The following C12orf42 variants were observed in gnomAD, a reference collection of about 807,000 sequenced individuals.
C12orf42 encodes the protein uncharacterized protein C12orf42.
In C12orf42, 25 loss-of-function variants were observed where a neutral mutation model predicts 21.6. The ratio of observed to expected loss-of-function variants is 1.16; its 90% CI spans 0.84 to 1.62. The LOEUF (loss-of-function observed/expected upper bound fraction) is 1.62. C12orf42 is among the 40% of genes most tolerant of loss of function. C12orf42 has a pLI of 0.00. For missense variants in C12orf42, 483 were observed against 459.3 expected (o/e 1.05, Z -0.47); for synonymous variants, 174 against 175.0 (o/e 0.99, Z 0.05).
At chr12:103,529,811 A>ATT in the C12orf42 span, among the ~76,000 whole-genome samples, 1 of 152,044 alleles carries the variant, frequency 6.6e-6, no homozygotes, top group Non-Finnish European at 1.5e-5. Flanking sequence ...TGGGCTTTGA[A>ATT]TTTTCATCAT....
chr12:103,462,402 C>T (rs148004416), intron 2 of C12orf42, among the ~76,000 whole-genome samples: 296 of 152,050 alleles, frequency 1.9e-3, no homozygotes, highest in African/African-American at 6.7e-3. Flanking sequence ...TGAGCCACTG[C>T]ACCCAGCCTA....
the C12orf42 span, among the ~76,000 whole-genome samples, chr12:103,052,570 A>G: frequency 6.6e-6 from 1 of 152,094 alleles, no homozygotes; most frequent in African/African-American, 2.4e-5. Context: ...TTCTGGATAT[A>G]AACATTTTAT....
intron 4 of C12orf42, among the ~76,000 whole-genome samples, chr12:103,327,375 G>T (rs2040812373): frequency 6.6e-6 from 1 of 152,070 alleles, no homozygotes; most frequent in Non-Finnish European, 1.5e-5. Context: ...TTTCAGAAAA[G>T]CCATGAATAT....
Position 103,294,632 on chromosome 12 carries a change from GAAA to G in C12orf42, n.338-17425_338-17423del, listed in dbSNP as rs1445389295. 1.8e-3 allele frequency among the ~76,000 whole-genome samples: 265 copies of G among 148,156 alleles called. 6 individuals are homozygous for G. The highest frequency in any genetic ancestry group is 0.018 in the Admixed American group (258 of 14,582). On this transcript the variant is annotated intron_variant and non_coding_transcript_variant, in intron 4 of 6. Transcript: ENST00000546526. ...AGAAAGAAAGAAAGAAAGAAAGAAA[GAAA>G]GAAGGAAAAGAAAGAGAAAGAAAGA... is the stretch of plus-strand genomic sequence containing the variant.
At chr12:103,497,860 T>C (rs772314682), upstream of C12orf42, among the ~76,000 whole-genome samples, 1 of 151,886 alleles carries the variant, frequency 6.6e-6, no homozygotes, top group East Asian at 1.9e-4. Flanking sequence ...TGAAATCCCG[T>C]CTCTACTAAA....
upstream of C12orf42, among the ~76,000 whole-genome samples, chr12:103,498,560 G>A (rs1431156973): frequency 2.0e-5 from 3 of 152,198 alleles, no homozygotes; most frequent in South Asian, 2.1e-4. Context: ...ACCAGTCACA[G>A]AAGGACAAAC....
the C12orf42 span, among the ~76,000 whole-genome samples, chr12:103,508,745 C>A: frequency 6.6e-6 from 1 of 152,154 alleles, no homozygotes. Context: ...TGGCCAATAA[C>A]CTAAGCAAAG....
the C12orf42 span, among the ~76,000 whole-genome samples, chr12:103,127,692 A>G: frequency 6.6e-6 from 1 of 152,172 alleles, no homozygotes; most frequent in African/African-American, 2.4e-5. Flanking sequence ...AGGGCCAGGG[A>G]TGCTGCTACA....
chr12:103,248,444 C>A, intron 10 of C12orf42, among the ~76,000 whole-genome samples: 1 of 152,016 alleles, frequency 6.6e-6, no homozygotes, highest in East Asian at 1.9e-4. Context: ...TCAGATAATC[C>A]ACTCAAGTCA....
chr12:103,427,973 C>A (rs529701415), intron 2 of C12orf42, among the ~76,000 whole-genome samples: 5 of 152,270 alleles, frequency 3.3e-5, no homozygotes, highest in African/African-American at 9.6e-5. Flanking sequence ...ACAGCTAAAG[C>A]AGTGTTTAGA....
rs59554723 is a variant in C12orf42 at position 103,412,102 on chromosome 12, T to A, written c.79-10427A>T. 0.01 allele frequency among the ~76,000 whole-genome samples: 1,587 copies of A among 152,312 alleles called. 134 individuals carry two copies. In the East Asian group the frequency reaches 0.2, roughly 19 times the overall value. On this transcript the variant is annotated intron_variant, in intron 2 of 5. Coordinates refer to ENST00000548883, the MANE Select transcript of C12orf42 (RefSeq NM_198521.5). ...GCAACCAAGGCGGCAAAACACCATC[T>A]GATAACCCAGGATAAAGCACATTTT... is the stretch of plus-strand genomic sequence containing the variant.
At chr12:103,558,925 A>T in the C12orf42 span, 1 of 152,250 alleles carries the variant, frequency 6.6e-6, no homozygotes, top group South Asian at 2.1e-4. Flanking sequence ...GGCATCCCCA[A>T]GGAAGTAAAC....
chr12:103,181,910 T>C, the C12orf42 span, among the ~76,000 whole-genome samples: 55 of 152,334 alleles, frequency 3.6e-4, no homozygotes, highest in East Asian at 1.9e-3. Context: ...GCTTATATTG[T>C]ATTTCCCTAG....
chr12:103,222,373 C>T, the C12orf42 span, among the ~76,000 whole-genome samples: 1 of 152,066 alleles, frequency 6.6e-6, no homozygotes, highest in Admixed American at 6.6e-5. Flanking sequence ...AGGAAAAGGA[C>T]TTTCACAAGG....
At chr12:103,086,076 T>C in the C12orf42 span, among the ~76,000 whole-genome samples, 1 of 152,302 alleles carries the variant, frequency 6.6e-6, no homozygotes. Flanking sequence ...TTCTCCCACA[T>C]TCACTCCTTT....
In C12orf42 at chr12:103,311,845, C is replaced by T. The variant is rs76414105; in HGVS notation, c.260-5500G>A. Reference sequence around the variant, plus strand: ...AGAGTGGGACCCTAGTATCTGTTCACGGTAAATCCTTCAGTGATGAAAATG... The same window carrying T: ...AGAGTGGGACCCTAGTATCTGTTCATGGTAAATCCTTCAGTGATGAAAATG... On this transcript the variant is annotated intron_variant, in intron 4 of 5. Transcript: ENST00000548883. 8.6e-3 allele frequency among the ~76,000 whole-genome samples: 1,310 copies of T among 152,270 alleles called. 10 individuals are homozygous for T. The highest frequency in any genetic ancestry group is 0.03 in the African/African-American group (1,239 of 41,540).
chr12:103,124,155 C>CTTTTTT, the C12orf42 span, among the ~76,000 whole-genome samples: 42 of 75,990 alleles, frequency 5.5e-4, 2 homozygotes, highest in African/African-American at 1.5e-3. Flanking sequence ...CAAACATAAG[C>CTTTTTT]TTTTTTTTTT....
At chr12:103,252,307 C>A (rs771867283) in intron 10 of C12orf42, among the ~76,000 whole-genome samples, 9 of 152,048 alleles carry the variant, frequency 5.9e-5, no homozygotes, top group Non-Finnish European at 1.0e-4. Context: ...GGGTATGTAC[C>A]CAGTAATGGG....
chr12:103,113,268 C>T, the C12orf42 span, among the ~76,000 whole-genome samples: 1 of 152,140 alleles, frequency 6.6e-6, no homozygotes, highest in Non-Finnish European at 1.5e-5. Context: ...TGGGTTACTG[C>T]TTTCGGCGTC....
Sources: gnomAD v4.1 joint callset for allele counts (sites outside exome capture counted in the v4.1 genomes callset) on GRCh38, gnomAD v4.1.1 for gene constraint, MANE v1.5 for transcripts, NCBI Gene and HGNC (gene_info 2026-07-23, HGNC 2026-07-21) for gene names.